The following NBEAL2 variants were observed in gnomAD, a reference collection of about 807,000 sequenced individuals.
NBEAL2 encodes neurobeachin like 2.
Under a neutral mutation model 299.8 loss-of-function variants are expected in NBEAL2, and 160 were observed. The observed-to-expected ratio is 0.53, with a 90% CI of 0.47 to 0.61. The LOEUF is 0.61. Ranked by LOEUF, NBEAL2 falls within the 20% of genes least tolerant of loss-of-function variation. The pLI, the probability that NBEAL2 is intolerant of heterozygous loss-of-function variation, is 0.00. For synonymous variants in NBEAL2, 1,493 were observed against 1,542.3 expected, an observed-to-expected ratio of 0.97 and a Z score of 0.75; for missense variants, 3,112 against 3,649.0, an observed-to-expected ratio of 0.85 and a Z score of 3.79.
chr3:47,006,586 A>G (rs1010639058), intron 45 of NBEAL2, 137 bp downstream of exon 45: 1 of 868,260 alleles, frequency 1.2e-6, no homozygotes. Flanking sequence ...TGAGCTAAAC[A>G]TGGGAAGAGT....
chr3:47,007,999 C>T lies in NBEAL2; in HGVS notation c.7603-71C>T, dbSNP rs923017227. 2.5e-6 allele frequency: 4 copies of T among 1,585,374 alleles called. No individual in the cohort carries two copies. The African/African-American group carries it at 4.0e-5, about 16-fold the overall frequency. On this transcript the variant is annotated intron_variant, in intron 49 of 53. Coordinates refer to ENST00000450053, the MANE Select transcript of NBEAL2 (RefSeq NM_015175.3). ...AGTGGCCTTCCAGTCCTGTCCTCCT[C>T]TAGTCTTGGACAAGGCCTTCATTTC...
Position 46,993,934 on chromosome 3 carries a change from A to T in NBEAL2, c.1114-3A>T. On this transcript the variant is annotated splice_polypyrimidine_tract_variant and splice_region_variant and intron_variant, in intron 10 of 53. Coordinates refer to ENST00000450053, the MANE Select transcript of NBEAL2 (RefSeq NM_015175.3). ...TCTCCTGATGGCCCCTCCCCACCCCAAGGTCCTGGACCAAGACACAGACGC... is the reference window on the plus strand; with the variant it reads ...TCTCCTGATGGCCCCTCCCCACCCCTAGGTCCTGGACCAAGACACAGACGC... 1 of 1,608,636 alleles carries T rather than the reference A, an allele frequency of 6.2e-7. No homozygotes were observed. Among genetic ancestry groups the T allele is most frequent in the Non-Finnish European group, 8.5e-7 (1 of 1,177,872 alleles).
rs1216520462 is a variant in NBEAL2 at position 47,009,392 on chromosome 3, C to A, written c.*72C>A. On this transcript the variant is annotated 3_prime_UTR_variant, in exon 54 of 54. Transcript: ENST00000450053. ...CCGGGAGGCCCCGCCCAGAAGTCGG[C>A]GGGAACACCCCGGGGTGGGCAGCCC... is the stretch of plus-strand genomic sequence containing the variant. 4.2e-6 allele frequency: 6 copies of A among 1,431,078 alleles called. No individual in the cohort carries two copies. In the Admixed American group the frequency reaches 1.3e-4, roughly 30 times the overall value. The allele number at this position is 1,431,078 out of a possible 1,614,324, so 88.6% of individuals were successfully genotyped here.
Position 47,008,997 on chromosome 3 carries a change from C to T in NBEAL2, c.8036C>T (p.Pro2679Leu), listed in dbSNP as rs755150361. ...TCCCCTCTCCCTTCCAGACTGCTCC[C>T]GGCCGCGCCTCCCTTGCCCATGAAG... ...LHILQLNTLL[P>L]AAPPLPMKVA... The change falls in exon 53 of 54, where the codon CCG becomes CTG. Residue 2679 changes from proline (P) to leucine (L), a missense_variant. By Grantham distance (98) the Pro-to-Leu change is moderately conservative. Coordinates refer to ENST00000450053, the MANE Select transcript of NBEAL2 (RefSeq NM_015175.3). The T allele has an allele frequency of 8.1e-6, 13 of 1,599,216 alleles. No individual in the cohort carries two copies. The highest frequency in any genetic ancestry group is 1.6e-4 in the Middle Eastern group (1 of 6,082).
intron 12 of NBEAL2, 75 bp downstream of exon 12, chr3:46,994,628 C>CT: frequency 7.7e-7 from 1 of 1,298,864 alleles, no homozygotes; most frequent in Non-Finnish European, 1.1e-6. Context: ...ATGGTGAGCT[C>CT]TCCACCCTGG....
intron 11 of NBEAL2, among the ~76,000 whole-genome samples, 177 bp from the exon 12 acceptor site, chr3:46,994,278 A>G (rs1204611888): frequency 1.8e-4 from 27 of 152,126 alleles, no homozygotes; most frequent in Admixed American, 1.8e-3. Flanking sequence ...GCCTTCTGAG[A>G]TGTACTCACG....
intron 1 of NBEAL2, among the ~76,000 whole-genome samples, chr3:46,983,605 G>A (rs1009286465): frequency 6.6e-6 from 1 of 152,138 alleles, no homozygotes. Context: ...ACCGCACCTG[G>A]CTTTATCTGG....
Position 46,987,994 on chromosome 3 carries a change from C to A in NBEAL2, c.52-675C>A. ...GGGAGGAGACATTTCCCGTTCACAC[C>A]AAAGTTTTCCTGGCAGCGCCTAGAC... On this transcript the variant is annotated intron_variant, in intron 1 of 53. Coordinates refer to ENST00000450053, the MANE Select transcript of NBEAL2 (RefSeq NM_015175.3). 12 of 1,276,930 alleles carry A rather than the reference C, an allele frequency of 9.4e-6. No homozygotes were observed. In the South Asian group the frequency reaches 1.5e-4, roughly 16 times the overall value. The allele number at this position is 1,276,930 out of a possible 1,614,324, so 79.1% of individuals were successfully genotyped here. A position where few individuals can be genotyped will look rare whatever the true frequency, so the allele number is the denominator to read the frequency against.
Position 47,002,700 on chromosome 3 carries a change from C to A in NBEAL2, c.5357C>A (p.Thr1786Lys), listed in dbSNP as rs544381487. Residue 1786 changes from threonine (T) to lysine (K), a missense_variant, in exon 33 of 54, where the codon ACG becomes AAG. Thr to Lys is a moderately conservative substitution (Grantham distance 78). Around this residue, in one of 3 missense-constraint regions of NBEAL2, gnomAD observed 2,243 missense variants for 2,538.1 expected, o/e 0.88. Coordinates refer to ENST00000450053, the MANE Select transcript of NBEAL2 (RefSeq NM_015175.3). The part of the protein sequence containing the change: ...RRARLEGLRY[T>K]AVLKQQATQH... ...GCGCGCCTGGAGGGGCTACGCTACA[C>A]GGCAGTGCTGAAGCAGCAGGCAACG... 3 of 1,602,682 alleles carry A rather than the reference C, an allele frequency of 1.9e-6. No homozygotes were observed. Among genetic ancestry groups the A allele is most frequent in the Non-Finnish European group, 2.5e-6 (3 of 1,176,592 alleles).
Position 47,004,723 on chromosome 3 carries a change from G to T in NBEAL2, c.6294+133G>T, listed in dbSNP as rs538470966. On this transcript the variant is annotated intron_variant, in intron 38 of 53. Coordinates refer to ENST00000450053, the MANE Select transcript of NBEAL2 (RefSeq NM_015175.3). This position sits in a 1 kb window ranked among gnomAD's most constrained non-coding sequence, Gnocchi z 5.0. ...AGGGTAGATGTGCCAATGAAGACCT[G>T]GCCTCTGTTCCCTGCCAACCCCCAG... is the stretch of plus-strand genomic sequence containing the variant. 4.9e-6 allele frequency: 5 copies of T among 1,027,790 alleles called. No individual in the cohort carries two copies. The South Asian group carries it at 6.8e-5, about 14-fold the overall frequency. 63.7% of individuals were successfully genotyped at this position (1,027,790 alleles called of 1,614,324 possible).
Position 47,000,549 on chromosome 3 carries a change from A to G in NBEAL2, c.4305+145A>G. On this transcript the variant is annotated intron_variant, in intron 27 of 53. Coordinates refer to ENST00000450053, the MANE Select transcript of NBEAL2 (RefSeq NM_015175.3). The surrounding 1 kb of genome is among the most constrained non-coding windows in gnomAD (Gnocchi z 4.5). ...TGGTCAGGCCTATTGCTGTCCCCTC[A>G]TAGCTCTCATCTGCAGTTGTGTTCC... 5 of 1,076,078 alleles carry G rather than the reference A, an allele frequency of 4.6e-6. No homozygotes were observed. The highest frequency in any genetic ancestry group is 5.3e-6 in the Non-Finnish European group (4 of 758,710). 66.7% of individuals were successfully genotyped at this position (1,076,078 alleles called of 1,614,324 possible).
At chr3:46,999,514 C>A in intron 25 of NBEAL2, 40 bp downstream of exon 25, 1 of 1,582,002 alleles carries the variant, frequency 6.3e-7, no homozygotes, top group South Asian at 1.1e-5. Flanking sequence ...GGTGACATGT[C>A]AGAAAAACAG....
In NBEAL2 at chr3:46,996,442, C is replaced by T. The variant is rs764404753; in HGVS notation, c.2323C>T (p.Pro775Ser). The T allele has an allele frequency of 6.2e-7, 1 of 1,608,368 alleles. No homozygotes were observed. Among genetic ancestry groups the T allele is most frequent in the South Asian group, 1.1e-5 (1 of 90,830 alleles). The change falls in exon 16 of 54, where the codon CCC (proline) becomes TCC (serine). Residue 775 changes from proline (P) to serine (S), a missense_variant. Physicochemically the swap from Pro to Ser is moderately conservative, Grantham distance 74. Around this residue, in one of 3 missense-constraint regions of NBEAL2, gnomAD observed 2,243 missense variants for 2,538.1 expected, o/e 0.88. Coordinates refer to ENST00000450053, the MANE Select transcript of NBEAL2 (RefSeq NM_015175.3). ...GLGWGSGLVA[P>S]LQEGSIDSTL... Reference sequence around the variant, plus strand: ...TGGCTGGGGGTCCGGGCTGGTGGCCCCCCTGCAGGAGGGCAGCATCGACTC... The same window carrying T: ...TGGCTGGGGGTCCGGGCTGGTGGCCTCCCTGCAGGAGGGCAGCATCGACTC...
Position 46,998,976 on chromosome 3 carries a change from C to A in NBEAL2, c.3402C>A (p.Asp1134Glu), listed in dbSNP as rs181153514. 1.5e-4 allele frequency: 240 copies of A among 1,607,654 alleles called. 2 individuals are homozygous for A. In the East Asian group the frequency reaches 4.3e-3, roughly 29 times the overall value. The change falls in exon 24 of 54, where the codon GAC becomes GAA. Residue 1134 changes from aspartate (D) to glutamate (E), a missense_variant. This residue lies in a region of NBEAL2 where 2,243 missense variants were observed against 2,538.1 expected (regional missense o/e 0.88). Transcript: ENST00000450053. ...GDDGQAVGAL[D>E]LLLALLHGSL... ...ATCCCCAGGCGGTGGGTGCGCTGGA[C>A]CTGCTGCTGGCCCTGCTGCACGGTT...
chr3:46,995,199 C>T lies in NBEAL2; in HGVS notation c.1464C>T (p.Thr488=). 7 of 1,559,018 alleles carry T rather than the reference C, an allele frequency of 4.5e-6. No individual in the cohort carries two copies. The highest frequency in any genetic ancestry group is 6.1e-6 in the Non-Finnish European group (7 of 1,151,512). The change falls in exon 13 of 54, where the codon ACC becomes ACT. Residue 488 remains threonine, a synonymous_variant. Transcript: ENST00000450053. ...ACAGCTGCCCTGCCAGCCGTGCCACCTGTGTGCAGGCAGGCCTGGTGGGCT... is the reference window on the plus strand; with the variant it reads ...ACAGCTGCCCTGCCAGCCGTGCCACTTGTGTGCAGGCAGGCCTGGTGGGCT... ...LCDSCPASRA[T]CVQAGLVGCL... is the part of the protein sequence containing the mutation.
intron 1 of NBEAL2, chr3:46,987,922 C>T (rs1575586436): frequency 2.6e-6 from 3 of 1,142,892 alleles, no homozygotes; most frequent in South Asian, 1.4e-5. Flanking sequence ...AGGAAGCGGT[C>T]CCCCTCCCCC....
chr3:46,990,955 G>A (rs570185493), intron 6 of NBEAL2, among the ~76,000 whole-genome samples: 1 of 152,284 alleles, frequency 6.6e-6, no homozygotes, highest in African/African-American at 2.4e-5. Context: ...AAGGATCTGG[G>A]AAGCTGGCTA....
chr3:46,998,674 CCTTT>C, intron 22 of NBEAL2, 39 bp from the exon 23 acceptor site: 1 of 1,556,238 alleles, frequency 6.4e-7, no homozygotes, highest in Non-Finnish European at 8.7e-7. Flanking sequence ...TCTCTCCCCG[CCTTT>C]CTTTGGGACC....
At chr3:46,984,241 G>A (rs1391512033) in intron 1 of NBEAL2, among the ~76,000 whole-genome samples, 1 of 152,146 alleles carries the variant, frequency 6.6e-6, no homozygotes, top group Admixed American at 6.5e-5. Context: ...GGGAGGCGGA[G>A]CTTGCAGTGA....
Sources: allele counts gnomAD v4.1 joint callset (sites outside exome capture counted in the v4.1 genomes callset), GRCh38; gene constraint gnomAD v4.1.1; regional missense constraint gnomAD v4.1.1; non-coding constraint Gnocchi (gnomAD v3.1); transcripts MANE v1.5; gene names NCBI Gene and HGNC (gene_info 2026-07-23, HGNC 2026-07-21).